BANP: variants seen among roughly 807,000 people sequenced by gnomAD.
BANP encodes protein BANP.
Under a neutral mutation model 68.1 loss-of-function variants are expected in BANP, and 11 were observed. That is an observed-to-expected ratio of 0.16 (90% confidence interval 0.10 to 0.27). The LOEUF (loss-of-function observed/expected upper bound fraction) is 0.27, where lower values mean the gene tolerates loss of function less well. Ranked by LOEUF, BANP falls within the 10% of genes least tolerant of loss-of-function variation. The pLI is 1.00. For missense variants in BANP, 504 were observed against 722.7 expected (o/e 0.70, Z 3.47); for synonymous variants, 329 against 303.2 (o/e 1.09, Z -0.88).
intron 1 of BANP, among the ~76,000 whole-genome samples, chr16:87,974,338 A>G (rs192219393): frequency 2.0e-5 from 3 of 152,280 alleles, no homozygotes; most frequent in Non-Finnish European, 4.4e-5. Context: ...AAAGCCCCTG[A>G]CTGTGTTTCA....
At chr16:88,035,628 A>C (rs2152752414) in intron 10 of BANP, among the ~76,000 whole-genome samples, 1 of 152,214 alleles carries the variant, frequency 6.6e-6, no homozygotes, top group Admixed American at 6.5e-5. Flanking sequence ...CTTGGTAAAG[A>C]TCTCCTGGGT....
chr16:88,003,365 G>T lies in BANP; in HGVS notation c.363-930G>T. On this transcript the variant is annotated intron_variant, in intron 4 of 13. Transcript: ENST00000682872. The surrounding 1 kb of genome is among the most constrained non-coding windows in gnomAD (Gnocchi z 6.1). ...ACTAGGCTAGAATTTCCTATGTGCA[G>T]ATCACAGAAAGGCAGGCTTCCCAGG... 2.2e-6 allele frequency: 1 copy of T among 446,142 alleles called. No homozygotes were observed. Among genetic ancestry groups the T allele is most frequent in the Non-Finnish European group, 4.5e-6 (1 of 221,626 alleles). 27.6% of individuals were successfully genotyped at this position (446,142 alleles called of 1,614,324 possible).
intron 1 of BANP, among the ~76,000 whole-genome samples, chr16:87,967,716 G>A (rs376824670): frequency 1.2e-4 from 18 of 151,234 alleles, no homozygotes; most frequent in East Asian, 7.8e-4. Context: ...CCGCCTCCTG[G>A]GTTCAAGTGA....
At position 88,076,777 on chromosome 16, in the gene BANP, G is replaced by C. The variant is rs111789216; in HGVS notation, c.*116G>C. On this transcript the variant is annotated 3_prime_UTR_variant, in exon 14 of 14. Coordinates refer to ENST00000682872, the MANE Select transcript of BANP (RefSeq NM_001386991.1). ...GGCTGCACGTGTTCTGCTGAAGTGC[G>C]TCTGAAGGCCGCTGCCTCCGCGGGG... The C allele has an allele frequency of 5.5e-5, 46 of 830,676 alleles. No homozygotes were observed. The African/African-American group carries it at 6.1e-4, about 11-fold the overall frequency. The allele number at this position is 830,676 out of a possible 1,614,324, so 51.5% of individuals were successfully genotyped here.
chr16:87,992,541 C>T (rs1381473273), intron 4 of BANP, among the ~76,000 whole-genome samples: 2 of 152,026 alleles, frequency 1.3e-5, no homozygotes, highest in Non-Finnish European at 2.9e-5. Flanking sequence ...TGCCTATAAT[C>T]CCAGCACTTT....
chr16:88,030,565 C>T (rs985441003), intron 8 of BANP, among the ~76,000 whole-genome samples: 3 of 152,174 alleles, frequency 2.0e-5, no homozygotes, highest in Non-Finnish European at 4.4e-5. Flanking sequence ...CTGACGACTG[C>T]CAGATATGTT....
chr16:87,986,373 G>T (rs771969774), intron 4 of BANP, among the ~76,000 whole-genome samples: 4 of 152,206 alleles, frequency 2.6e-5, no homozygotes, highest in African/African-American at 2.4e-5. Flanking sequence ...ATGTGTGATG[G>T]GGGGAGAGGT....
intron 1 of BANP, among the ~76,000 whole-genome samples, chr16:87,972,321 G>T (rs1304612495): frequency 6.6e-6 from 1 of 151,614 alleles, no homozygotes; most frequent in Non-Finnish European, 1.5e-5. Context: ...TATATTCTGA[G>T]TTCTAGCACC....
intron 12 of BANP, among the ~76,000 whole-genome samples, chr16:88,067,714 C>T (rs1280428384): frequency 6.6e-6 from 1 of 152,198 alleles, no homozygotes; most frequent in East Asian, 1.9e-4. Context: ...CCACCCCTGC[C>T]CTGGACGGCC....
At chr16:87,999,248 G>A (rs1352867484) in intron 4 of BANP, among the ~76,000 whole-genome samples, 1 of 137,234 alleles carries the variant, frequency 7.3e-6, no homozygotes, top group Non-Finnish European at 1.6e-5. Context: ...GTGCGCGGCT[G>A]TACTTACCTG....
rs141016069 is a variant in BANP, at chr16:87,973,207, G to A, written c.-68-1841G>A. 6.8e-3 allele frequency among the ~76,000 whole-genome samples: 1,028 copies of A among 151,968 alleles called. 8 individuals are homozygous for A. The highest frequency in any genetic ancestry group is 0.014 in the Middle Eastern group (4 of 294). On this transcript the variant is annotated intron_variant, in intron 1 of 13. Transcript: ENST00000682872. ...CAGCTGGACTTTTTAGAGGTTCAGC[G>A]CTGGTGCCTCTGAGGCTTTGTGTCT...
chr16:87,953,214 T>C (rs148417339), intron 1 of BANP, among the ~76,000 whole-genome samples: 13 of 152,236 alleles, frequency 8.5e-5, no homozygotes, highest in African/African-American at 2.9e-4. Context: ...CCCATATATT[T>C]AGTATTTTAA....
chr16:88,062,712 G>C (rs368626244), intron 11 of BANP, among the ~76,000 whole-genome samples: 3 of 152,222 alleles, frequency 2.0e-5, no homozygotes, highest in African/African-American at 7.2e-5. Flanking sequence ...TCCAGAGCTG[G>C]TTTGGAAATG....
At chr16:88,005,289 C>T (rs1217739265) in intron 5 of BANP, among the ~76,000 whole-genome samples, 2 of 152,170 alleles carry the variant, frequency 1.3e-5, no homozygotes, top group Admixed American at 6.5e-5. Flanking sequence ...GCGTGGACAG[C>T]GCTCTAGAGA....
Position 88,076,779 on chromosome 16 carries a change from CT to C in BANP, c.*119del, listed in dbSNP as rs2091693969. The C allele has an allele frequency of 2.5e-6, 2 of 788,688 alleles. No homozygotes were observed. Among genetic ancestry groups the C allele is most frequent in the African/African-American group, 3.5e-5 (2 of 56,820 alleles). 48.9% of individuals were successfully genotyped at this position (788,688 alleles called of 1,614,324 possible). On this transcript the variant is annotated 3_prime_UTR_variant, in exon 14 of 14. Coordinates refer to ENST00000682872, the MANE Select transcript of BANP (RefSeq NM_001386991.1). ...CTGCACGTGTTCTGCTGAAGTGCGT[CT>C]GAAGGCCGCTGCCTCCGCGGGGAAC... is the stretch of plus-strand genomic sequence containing the variant.
chr16:88,003,746 C>T lies in BANP; in HGVS notation c.363-549C>T. 3.0e-6 allele frequency: 1 copy of T among 332,040 alleles called. No homozygotes were observed. The highest frequency in any genetic ancestry group is 5.9e-6 in the Non-Finnish European group (1 of 169,348). The allele number at this position is 332,040 out of a possible 1,614,324, so 20.6% of individuals were successfully genotyped here. ...GTAGCTCACACATGTTCCTGCAGGA[C>T]CTGGAGGCAGCATGTGTGTCCTTCC... On this transcript the variant is annotated intron_variant, in intron 4 of 13. Transcript: ENST00000682872. The surrounding 1 kb of genome is among the most constrained non-coding windows in gnomAD (Gnocchi z 6.1).
chr16:88,069,476 C>T (rs570035226), intron 12 of BANP, among the ~76,000 whole-genome samples: 1 of 152,230 alleles, frequency 6.6e-6, no homozygotes, highest in Non-Finnish European at 1.5e-5. Flanking sequence ...TGCTCCCTCT[C>T]GAAGAACCCA....
chr16:88,038,607 G>A (rs2080004006), intron 11 of BANP, among the ~76,000 whole-genome samples: 1 of 152,118 alleles, frequency 6.6e-6, no homozygotes, highest in Non-Finnish European at 1.5e-5. Flanking sequence ...TCACAAACTT[G>A]CCAGCTTTCT....
Position 88,036,056 on chromosome 16 carries a change from T to G in BANP, c.1272+662T>G, listed in dbSNP as rs1450549716. 6.6e-6 allele frequency among the ~76,000 whole-genome samples: 1 copy of G among 152,208 alleles called. No homozygotes were observed. The highest frequency in any genetic ancestry group is 2.4e-5 in the African/African-American group (1 of 41,450). On this transcript the variant is annotated intron_variant, in intron 10 of 13. Transcript: ENST00000682872. The surrounding 1 kb of genome is among the most constrained non-coding windows in gnomAD (Gnocchi z 4.2). ...GGCCAGCCTGTTGCGATGCTCCATG[T>G]TTGCATGCCAGAGCAGGACTGTCTC...
Sources: allele counts gnomAD v4.1 joint callset (sites outside exome capture counted in the v4.1 genomes callset), GRCh38; gene constraint gnomAD v4.1.1; non-coding constraint Gnocchi (gnomAD v3.1); transcripts MANE v1.5; gene names NCBI Gene and HGNC (gene_info 2026-07-23, HGNC 2026-07-21).